The following CADPS2 variants were observed in gnomAD, a reference collection of about 807,000 sequenced individuals.
CADPS2 encodes the protein calcium-dependent secretion activator 2.
In CADPS2, 93 loss-of-function variants were observed where a neutral mutation model predicts 172.5. The ratio of observed to expected loss-of-function variants is 0.54; its 90% CI spans 0.46 to 0.64. CADPS2 has a LOEUF of 0.64. Among genes scored for constraint, CADPS2 ranks in the 30% least tolerant of loss-of-function variants. CADPS2 has a pLI of 0.00. For missense variants in CADPS2, 1,420 were observed against 1,565.9 expected, an observed-to-expected ratio of 0.91 and a Z score of 1.57; for synonymous variants, 546 against 555.2, an observed-to-expected ratio of 0.98 and a Z score of 0.23.
intron 6 of CADPS2, among the ~76,000 whole-genome samples, chr7:122,588,803 C>T (rs1484134350): frequency 6.6e-6 from 1 of 151,844 alleles, no homozygotes; most frequent in Admixed American, 6.6e-5. Context: ...GTGTTATTTT[C>T]ATTGACTCAT....
chr7:122,608,213 T>TAAA (rs59329850), intron 6 of CADPS2, among the ~76,000 whole-genome samples: 29 of 140,706 alleles, frequency 2.1e-4, no homozygotes, highest in South Asian at 9.2e-4. Context: ...AGACTCCGTC[T>TAAA]AAAAAAAAAA....
chr7:122,652,283 T>A (rs979086713), intron 3 of CADPS2, among the ~76,000 whole-genome samples: 3 of 152,224 alleles, frequency 2.0e-5, no homozygotes, highest in African/African-American at 7.2e-5. Flanking sequence ...TGATTATAGA[T>A]AATGGGTTAA....
At chr7:122,809,108 GT>G (rs1486741717) in intron 1 of CADPS2, among the ~76,000 whole-genome samples, 1 of 151,966 alleles carries the variant, frequency 6.6e-6, no homozygotes, top group African/African-American at 2.4e-5. Context: ...GCTTCATGTG[GT>G]TTTCTGTATA....
Position 122,638,869 on chromosome 7 carries a change from G to A in CADPS2, c.787-9541C>T, listed in dbSNP as rs75253466. On this transcript the variant is annotated intron_variant, in intron 3 of 29. Coordinates refer to ENST00000449022, the MANE Select transcript of CADPS2 (RefSeq NM_017954.11). Reference sequence around the variant, plus strand: ...CTTGATGCATCCTGAATCCTGACGTGGTTTCTTAGATGATCCACTTAGAGA... The same window carrying A: ...CTTGATGCATCCTGAATCCTGACGTAGTTTCTTAGATGATCCACTTAGAGA... Among the ~76,000 whole-genome samples, 283 of 152,188 alleles carry A rather than the reference G, an allele frequency of 1.9e-3. 2 individuals are homozygous for A. Among genetic ancestry groups the A allele is most frequent in the African/African-American group, 6.5e-3 (268 of 41,508 alleles).
At chr7:122,481,639 C>G (rs1369127028) in intron 11 of CADPS2, among the ~76,000 whole-genome samples, 1 of 151,918 alleles carries the variant, frequency 6.6e-6, no homozygotes, top group Non-Finnish European at 1.5e-5. Flanking sequence ...ACTTGGGAGG[C>G]TGAGGCATGG....
intron 1 of CADPS2, among the ~76,000 whole-genome samples, chr7:122,882,926 A>G (rs1675642751): frequency 6.6e-6 from 1 of 152,120 alleles, no homozygotes; most frequent in Non-Finnish European, 1.5e-5. Context: ...TTCATTTAGG[A>G]GGTGTAGCAC....
chr7:122,640,212 T>C (rs1023519550), intron 3 of CADPS2, among the ~76,000 whole-genome samples: 53 of 152,062 alleles, frequency 3.5e-4, no homozygotes, highest in African/African-American at 1.2e-3. Flanking sequence ...TAGAACCACA[T>C]AGTTGAGACC....
At chr7:122,327,360 A>G (rs1284354699) in intron 28 of CADPS2, among the ~76,000 whole-genome samples, 3 of 152,122 alleles carry the variant, frequency 2.0e-5, no homozygotes, top group African/African-American at 7.2e-5. Flanking sequence ...CACACTCTAG[A>G]TAATTTGAAA....
chr7:122,415,998 G>T (rs1585801651), intron 18 of CADPS2, 63 bp downstream of exon 18: 1 of 1,019,838 alleles, frequency 9.8e-7, no homozygotes, highest in Non-Finnish European at 1.4e-6. Flanking sequence ...CTTATTCAGT[G>T]TAGCCACAAC....
chr7:122,652,848 T>C (rs1284346756), intron 3 of CADPS2, among the ~76,000 whole-genome samples: 1 of 151,964 alleles, frequency 6.6e-6, no homozygotes, highest in Non-Finnish European at 1.5e-5. Flanking sequence ...CAATTTGTCT[T>C]TCTATTATCC....
intron 1 of CADPS2, among the ~76,000 whole-genome samples, chr7:122,884,867 T>C (rs1040838021): frequency 6.6e-6 from 1 of 152,204 alleles, no homozygotes; most frequent in Non-Finnish European, 1.5e-5. Context: ...TAGGAGAATG[T>C]AGGGAGACTG....
chr7:122,548,671 T>TA (rs749728781), intron 8 of CADPS2, among the ~76,000 whole-genome samples: 4 of 152,158 alleles, frequency 2.6e-5, no homozygotes, highest in Non-Finnish European at 5.9e-5. Context: ...TAAAAAGTGT[T>TA]AGACAGCATT....
In CADPS2 at chr7:122,441,527, A is replaced by C. The variant is rs368612323; in HGVS notation, c.2337T>G (p.Leu779=). Residue 779 remains leucine (L), a synonymous_variant, in exon 16 of 30, where the codon CTT becomes CTG. Transcript: ENST00000449022. Reference sequence around the variant, plus strand: ...TCAAACATACCCTTTCAAGTAATGAAAGTGTAGCTTTTAGAGCACCTTCAG... The same window carrying C: ...TCAAACATACCCTTTCAAGTAATGACAGTGTAGCTTTTAGAGCACCTTCAG... ...GRPEGALKAT[L]SLLERVLMKD... 7.2e-6 allele frequency: 11 copies of C among 1,533,446 alleles called. No homozygotes were observed. Among genetic ancestry groups the C allele is most frequent in the Non-Finnish European group, 8.8e-6 (10 of 1,140,518 alleles). 95.0% of individuals were successfully genotyped at this position (1,533,446 alleles called of 1,614,324 possible).
At chr7:122,643,447 G>C (rs970158838) in intron 3 of CADPS2, among the ~76,000 whole-genome samples, 1 of 152,188 alleles carries the variant, frequency 6.6e-6, no homozygotes, top group Non-Finnish European at 1.5e-5. Context: ...AGGCTTCAGA[G>C]TGTCTGCAGT....
intron 8 of CADPS2, among the ~76,000 whole-genome samples, chr7:122,552,977 T>C (rs2064513115): frequency 6.6e-6 from 1 of 152,076 alleles, no homozygotes; most frequent in South Asian, 2.1e-4. Flanking sequence ...CTTGTCATCA[T>C]CAGCTAAAAC....
In CADPS2 at chr7:122,607,891, G is replaced by A. The variant is rs537097320; in HGVS notation, c.1223+7290C>T. Among the ~76,000 whole-genome samples, 7 of 152,274 alleles carry A rather than the reference G, an allele frequency of 4.6e-5. No homozygotes were observed. The East Asian group carries it at 1.4e-3, about 29-fold the overall frequency. On this transcript the variant is annotated intron_variant, in intron 6 of 29. Coordinates refer to ENST00000449022, the MANE Select transcript of CADPS2 (RefSeq NM_017954.11). ...AAATGAGAGGAGAGAAAACTTTTGT[G>A]TGGTTTGAGTGTTTTGCCTTTGGTT...
At chr7:122,746,308 C>A (rs2092715490) in intron 1 of CADPS2, among the ~76,000 whole-genome samples, 1 of 152,084 alleles carries the variant, frequency 6.6e-6, no homozygotes, top group African/African-American at 2.4e-5. Flanking sequence ...TGTGGCTAAT[C>A]CAAGTTAACA....
chr7:122,489,589 G>T (rs1390685486), intron 11 of CADPS2, among the ~76,000 whole-genome samples: 1 of 151,820 alleles, frequency 6.6e-6, no homozygotes, highest in Non-Finnish European at 1.5e-5. Context: ...AGGTACAAGG[G>T]GAAAAAAGTT....
intron 24 of CADPS2, among the ~76,000 whole-genome samples, chr7:122,385,001 C>T (rs1219749830): frequency 6.6e-6 from 1 of 151,636 alleles, no homozygotes; most frequent in Non-Finnish European, 1.5e-5. Context: ...ACGGATAAAC[C>T]CAGTATGAAT....
Sources: allele counts gnomAD v4.1 joint callset (sites outside exome capture counted in the v4.1 genomes callset), GRCh38; gene constraint gnomAD v4.1.1; transcripts MANE v1.5; gene names NCBI Gene and HGNC (gene_info 2026-07-23, HGNC 2026-07-21).